TASP1: variants seen among roughly 807,000 people sequenced by gnomAD.
The protein encoded by TASP1 is taspase 1, also known as threonine aspartase 1.
A neutral mutation model predicts 56.6 loss-of-function variants in TASP1; 16 were observed. The ratio of observed to expected loss-of-function variants is 0.28; its 90% CI spans 0.19 to 0.43. The LOEUF is 0.43. TASP1 is among the 20% of genes least tolerant of loss of function. The pLI, the probability that TASP1 is intolerant of heterozygous loss-of-function variation, is 1.00. For synonymous variants in TASP1, 179 were observed against 184.2 expected (o/e 0.97, Z 0.23); for missense variants, 393 against 511.6 (o/e 0.77, Z 2.24).
At chr20:13,392,434 T>C (rs2041324764) in intron 13 of TASP1, among the ~76,000 whole-genome samples, 1 of 152,210 alleles carries the variant, frequency 6.6e-6, no homozygotes, top group African/African-American at 2.4e-5. Context: ...GTTTTGAATC[T>C]TTAGGTTTCT....
At chr20:13,521,473 A>G (rs1427442861) in intron 10 of TASP1, among the ~76,000 whole-genome samples, 2 of 152,224 alleles carry the variant, frequency 1.3e-5, no homozygotes, top group Non-Finnish European at 2.9e-5. Flanking sequence ...TGTCCTTTTT[A>G]GGGACATGGA....
At chr20:13,440,014 G>A (rs2043159930) in intron 11 of TASP1, among the ~76,000 whole-genome samples, 1 of 152,092 alleles carries the variant, frequency 6.6e-6, no homozygotes, top group Admixed American at 6.6e-5. Context: ...ACTAAGAAAG[G>A]AGAGAAGGGT....
chr20:13,610,816 T>C (rs1342753767), intron 4 of TASP1, among the ~76,000 whole-genome samples: 2 of 152,156 alleles, frequency 1.3e-5, no homozygotes, highest in Admixed American at 1.3e-4. Context: ...CCAACAATTC[T>C]AATCCAGCCC....
chr20:13,227,803 C>T, the TASP1 span, among the ~76,000 whole-genome samples: 24,113 of 151,620 alleles, frequency 0.16, 2,039 homozygotes, highest in African/African-American at 0.22. Context: ...CCACCGCGCC[C>T]GGCCCCAACT....
the TASP1 span, among the ~76,000 whole-genome samples, chr20:13,310,256 C>T: frequency 6.6e-6 from 1 of 152,136 alleles, no homozygotes; most frequent in African/African-American, 2.4e-5. Flanking sequence ...GAATAGAGAG[C>T]TCCAAAGTAA....
chr20:13,494,122 T>A (rs1044865147), intron 10 of TASP1, among the ~76,000 whole-genome samples: 2 of 152,220 alleles, frequency 1.3e-5, no homozygotes, highest in African/African-American at 4.8e-5. Flanking sequence ...CAACACTGTT[T>A]GTAATGTTCA....
the TASP1 span, among the ~76,000 whole-genome samples, chr20:13,220,005 C>T: frequency 6.6e-6 from 1 of 152,218 alleles, no homozygotes; most frequent in African/African-American, 2.4e-5. Context: ...TATTTAATTT[C>T]ATTCACCAAG....
chr20:13,155,528 G>A, the TASP1 span, among the ~76,000 whole-genome samples: 1 of 152,082 alleles, frequency 6.6e-6, no homozygotes, highest in African/African-American at 2.4e-5. Flanking sequence ...ATCACAAGCA[G>A]TTAAAACACA....
intron 10 of TASP1, among the ~76,000 whole-genome samples, chr20:13,522,600 G>A (rs913645891): frequency 7.9e-5 from 12 of 152,058 alleles, no homozygotes; most frequent in African/African-American, 1.9e-4. Context: ...GCTCATATTC[G>A]GACATGCTAA....
chr20:13,157,215 A>G, the TASP1 span, among the ~76,000 whole-genome samples: 3 of 151,576 alleles, frequency 2.0e-5, no homozygotes, highest in Admixed American at 1.3e-4. Flanking sequence ...AGGCAGATGG[A>G]TCACCTGAGG....
At chr20:13,578,529 C>G (rs1424881461) in intron 6 of TASP1, among the ~76,000 whole-genome samples, 1 of 152,004 alleles carries the variant, frequency 6.6e-6, no homozygotes, top group African/African-American at 2.4e-5. Flanking sequence ...TATTTTTTAT[C>G]TTAATATATT....
chr20:13,200,849 C>T, the TASP1 span, among the ~76,000 whole-genome samples: 1 of 152,208 alleles, frequency 6.6e-6, no homozygotes, highest in African/African-American at 2.4e-5. Context: ...ATGATAATTA[C>T]ATGCATTTTC....
chr20:13,520,517 T>C (rs189251529), intron 10 of TASP1, among the ~76,000 whole-genome samples: 344 of 152,226 alleles, frequency 2.3e-3, no homozygotes, highest in African/African-American at 8.0e-3. Flanking sequence ...AAACAAGAAA[T>C]GGGGAAACGA....
intron 4 of TASP1, among the ~76,000 whole-genome samples, chr20:13,604,315 A>G (rs552295447): frequency 3.0e-4 from 45 of 152,214 alleles, no homozygotes; most frequent in African/African-American, 1.0e-3. Context: ...AGTAATTAGT[A>G]AGTTTTCACT....
intron 13 of TASP1, among the ~76,000 whole-genome samples, chr20:13,394,459 A>AG (rs1568741470): frequency 6.6e-6 from 1 of 151,828 alleles, no homozygotes; most frequent in Non-Finnish European, 1.5e-5. Flanking sequence ...AAATACAAAA[A>AG]AAATTAGCCG....
At chr20:13,183,438 A>C in the TASP1 span, among the ~76,000 whole-genome samples, 5 of 152,244 alleles carry the variant, frequency 3.3e-5, no homozygotes, top group East Asian at 7.7e-4. Context: ...AACTGATACA[A>C]GTATATTTTA....
intron 4 of TASP1, among the ~76,000 whole-genome samples, chr20:13,610,090 G>A (rs2048300499): frequency 6.6e-6 from 1 of 152,196 alleles, no homozygotes. Flanking sequence ...AAGCAGATGG[G>A]TGGTCCACAA....
chr20:13,305,508 T>G, the TASP1 span, among the ~76,000 whole-genome samples: 5 of 152,320 alleles, frequency 3.3e-5, no homozygotes, highest in East Asian at 9.6e-4. Flanking sequence ...TGTCATTCAT[T>G]TACAATTTCC....
chr20:13,354,361 C>T, the TASP1 span, among the ~76,000 whole-genome samples: 1 of 152,166 alleles, frequency 6.6e-6, no homozygotes, highest in African/African-American at 2.4e-5. Flanking sequence ...GTGACCCCCA[C>T]TCTGAGACTC....
Sources: gnomAD v4.1 joint callset for allele counts (sites outside exome capture counted in the v4.1 genomes callset) on GRCh38, gnomAD v4.1.1 for gene constraint, MANE v1.5 for transcripts, NCBI Gene and HGNC (gene_info 2026-07-23, HGNC 2026-07-21) for gene names.